OPCML: variants seen among roughly 807,000 people sequenced by gnomAD.
The protein encoded by OPCML is opioid-binding protein/cell adhesion molecule.
OPCML carries 13 observed loss-of-function variants against 37.8 expected under a neutral mutation model. The observed-to-expected ratio is 0.34, with a 90% CI of 0.22 to 0.55. The LOEUF is 0.55. Ranked by LOEUF, OPCML falls within the 20% of genes least tolerant of loss-of-function variation. The pLI, the probability that OPCML is intolerant of heterozygous loss-of-function variation, is 0.91. For missense variants in OPCML, 341 were observed against 435.6 expected (o/e 0.78, Z 1.93); for synonymous variants, 176 against 168.8 (o/e 1.04, Z -0.33).
intron 4 of OPCML, among the ~76,000 whole-genome samples, chr11:132,514,485 A>G (rs1256877606): frequency 3.9e-5 from 6 of 152,278 alleles, no homozygotes; most frequent in Admixed American, 2.6e-4. Flanking sequence ...GTCAAGCCCT[A>G]TGCTTCAGCA....
intron 1 of OPCML, among the ~76,000 whole-genome samples, chr11:133,091,881 T>C (rs1053832571): frequency 6.6e-6 from 1 of 152,142 alleles, no homozygotes; most frequent in Non-Finnish European, 1.5e-5. Context: ...TTTGGGGCTA[T>C]TGAGATGGAA....
chr11:132,745,394 A>C lies in OPCML; in HGVS notation c.147-88075T>G, dbSNP rs376334994. Among the ~76,000 whole-genome samples the C allele has an allele frequency of 2.6e-4, 39 of 152,266 alleles. No homozygotes were observed. In the South Asian group the frequency reaches 5.0e-3, roughly 19 times the overall value. ...AGGTACTTGAGGCTCTATCAGGGAA[A>C]CTTTGAGAATGAGACATTACCAGAA... On this transcript the variant is annotated intron_variant, in intron 2 of 7. Coordinates refer to ENST00000524381, the MANE Select transcript of OPCML (RefSeq NM_001012393.5).
rs948439695 is a variant in OPCML at position 133,177,924 on chromosome 11, T to C, written c.62-234914A>G. Among the ~76,000 whole-genome samples, 12 of 152,254 alleles carry C rather than the reference T, an allele frequency of 7.9e-5. No homozygotes were observed. The highest frequency in any genetic ancestry group is 2.7e-4 in the African/African-American group (11 of 41,466). ...CATCTGGCCTCTTTCAAGAGGCCTC[T>C]GTTCTTTTGAACCACACTGAATAAA... is the stretch of plus-strand genomic sequence containing the variant. On this transcript the variant is annotated intron_variant, in intron 1 of 7. Coordinates refer to ENST00000524381, the MANE Select transcript of OPCML (RefSeq NM_001012393.5). This position sits in a 1 kb window ranked among gnomAD's most constrained non-coding sequence, Gnocchi z 5.0.
intron 1 of OPCML, among the ~76,000 whole-genome samples, chr11:133,020,905 G>C (rs1591919284): frequency 6.6e-6 from 1 of 152,106 alleles, no homozygotes; most frequent in African/African-American, 2.4e-5. Flanking sequence ...GCAAAGAATG[G>C]ATTTTAATTT....
chr11:133,032,932 G>C (rs1947701335), intron 1 of OPCML, among the ~76,000 whole-genome samples: 1 of 152,136 alleles, frequency 6.6e-6, no homozygotes, highest in Non-Finnish European at 1.5e-5. Context: ...TTTTATCTCA[G>C]CACTGCAATG....
At chr11:133,140,853 C>A (rs796821520) in intron 1 of OPCML, among the ~76,000 whole-genome samples, 406 of 27,880 alleles carry the variant, frequency 0.015, 20 homozygotes, top group Middle Eastern at 0.062. Flanking sequence ...ACGACGACGA[C>A]GAAGAAGACG....
chr11:133,291,422 T>C (rs1942470034), intron 1 of OPCML, among the ~76,000 whole-genome samples: 1 of 152,152 alleles, frequency 6.6e-6, no homozygotes, highest in South Asian at 2.1e-4. Context: ...CAAGGAAATC[T>C]ACACCCTGGC....
chr11:133,096,598 G>T (rs1188902858), intron 1 of OPCML, among the ~76,000 whole-genome samples: 1 of 151,914 alleles, frequency 6.6e-6, no homozygotes, highest in East Asian at 1.9e-4. Context: ...TTCAGAGTGG[G>T]TCAAAAACAA....
Position 133,377,408 on chromosome 11 carries a change from G to T in OPCML, c.61+154856C>A, listed in dbSNP as rs184371850. On this transcript the variant is annotated intron_variant, in intron 1 of 7. Transcript: ENST00000524381. ...CCAAACATTTTGCCAGTCTGCTGTC[G>T]GTTGAGTTTTGCCGATTGAAGATAC... is the stretch of plus-strand genomic sequence containing the variant. Among the ~76,000 whole-genome samples the T allele has an allele frequency of 2.3e-3, 354 of 151,908 alleles. 2 individuals carry two copies. Among genetic ancestry groups the T allele is most frequent in the African/African-American group, 7.0e-3 (289 of 41,382 alleles).
At chr11:133,155,539 T>A (rs1950046879) in intron 1 of OPCML, among the ~76,000 whole-genome samples, 2 of 152,080 alleles carry the variant, frequency 1.3e-5, no homozygotes. Context: ...CTTCTACAAT[T>A]CCTTGCATGC....
Position 132,565,919 on chromosome 11 carries a change from G to A in OPCML, c.380-36733C>T, listed in dbSNP as rs563704122. 5.1e-4 allele frequency among the ~76,000 whole-genome samples: 77 copies of A among 152,294 alleles called. 1 individual carries two copies. The highest frequency in any genetic ancestry group is 1.8e-3 in the African/African-American group (74 of 41,572). On this transcript the variant is annotated intron_variant, in intron 3 of 7. Coordinates refer to ENST00000524381, the MANE Select transcript of OPCML (RefSeq NM_001012393.5). ...ATGGTGGCGGGCGCCTGCAGTCCCA[G>A]CTACTCGAGAGACTGTGGCAGGAGA...
At chr11:133,371,982 G>C (rs1944685031) in intron 1 of OPCML, among the ~76,000 whole-genome samples, 1 of 152,120 alleles carries the variant, frequency 6.6e-6, no homozygotes. Flanking sequence ...TGATCTCATG[G>C]AGACAGAGAG....
At chr11:133,379,759 G>T (rs1944893223) in intron 1 of OPCML, among the ~76,000 whole-genome samples, 1 of 152,192 alleles carries the variant, frequency 6.6e-6, no homozygotes, top group Admixed American at 6.5e-5. Context: ...GCTAGATCCT[G>T]CGTATAATGG....
intron 1 of OPCML, among the ~76,000 whole-genome samples, chr11:133,096,148 G>GTA (rs927228327): frequency 1.3e-5 from 2 of 151,630 alleles, no homozygotes; most frequent in African/African-American, 4.8e-5. Flanking sequence ...GTGTGTGTGT[G>GTA]TGTGTGTTTA....
chr11:133,091,689 G>T (rs998711738), intron 1 of OPCML, among the ~76,000 whole-genome samples: 5 of 152,066 alleles, frequency 3.3e-5, no homozygotes, highest in Non-Finnish European at 5.9e-5. Context: ...ACTATCTTAT[G>T]ACCCTCCCAC....
Position 133,442,318 on chromosome 11 carries a change from AC to A in OPCML, c.61+89945del, listed in dbSNP as rs1946380262. ...TTCAGTGTTAGTAAGGGTGAGACAA[AC>A]TTTTTATTCTCAAATATTCTTGGTG... On this transcript the variant is annotated intron_variant, in intron 1 of 7. Coordinates refer to ENST00000524381, the MANE Select transcript of OPCML (RefSeq NM_001012393.5). Among the ~76,000 whole-genome samples the A allele has an allele frequency of 5.3e-5, 8 of 152,096 alleles. No individual in the cohort carries two copies. In the South Asian group the frequency reaches 1.5e-3, roughly 28 times the overall value.
At position 133,317,664 on chromosome 11, in the gene OPCML, A is replaced by G. The variant is rs76327446; in HGVS notation, c.61+214600T>C. Among the ~76,000 whole-genome samples the G allele has an allele frequency of 6.6e-3, 1,007 of 152,324 alleles. 2 individuals carry two copies. Among genetic ancestry groups the G allele is most frequent in the Middle Eastern group, 0.014 (4 of 294 alleles). ...GAGTATTTACTGTGTATGCTGTTGT[A>G]TCTCTGCCTATTGGCTCTGCCTGAC... On this transcript the variant is annotated intron_variant, in intron 1 of 7. Coordinates refer to ENST00000524381, the MANE Select transcript of OPCML (RefSeq NM_001012393.5).
intron 1 of OPCML, among the ~76,000 whole-genome samples, chr11:133,239,759 A>C (rs1381903016): frequency 6.6e-6 from 1 of 152,218 alleles, no homozygotes; most frequent in Non-Finnish European, 1.5e-5. Flanking sequence ...CCCACTGCTC[A>C]GGAAGAACTG....
intron 4 of OPCML, among the ~76,000 whole-genome samples, chr11:132,502,865 T>A (rs945477005): frequency 6.6e-6 from 1 of 152,192 alleles, no homozygotes; most frequent in Non-Finnish European, 1.5e-5. Context: ...TCTCTCACGA[T>A]GACGATGATA....
Sources: allele counts gnomAD v4.1 joint callset (sites outside exome capture counted in the v4.1 genomes callset), GRCh38; gene constraint gnomAD v4.1.1; non-coding constraint Gnocchi (gnomAD v3.1); transcripts MANE v1.5; gene names NCBI Gene and HGNC (gene_info 2026-07-23, HGNC 2026-07-21).